TLR3: variants seen among roughly 807,000 people sequenced by gnomAD.
TLR3 encodes the protein toll like receptor 3.
In TLR3, 43 loss-of-function variants were observed where a neutral mutation model predicts 66.4. The observed-to-expected ratio is 0.65, with a 90% CI of 0.51 to 0.83. The LOEUF (loss-of-function observed/expected upper bound fraction) is 0.83, where lower values mean the gene tolerates loss of function less well. Among genes scored for constraint, TLR3 ranks in the 40% least tolerant of loss-of-function variants. The probability of loss-of-function intolerance (pLI) is 0.00; values close to 1 mark genes in which losing one functional copy is unlikely to be tolerated. For synonymous variants in TLR3, 397 were observed against 397.2 expected, an observed-to-expected ratio of 1.00 and a Z score of 0.01; for missense variants, 982 against 1,044.6, an observed-to-expected ratio of 0.94 and a Z score of 0.83.
Position 186,082,913 on chromosome 4 carries a change from A to T in TLR3, c.1227A>T (p.Leu409Phe). 2 of 1,614,170 alleles carry T rather than the reference A, an allele frequency of 1.2e-6. No individual in the cohort carries two copies. The highest frequency in any genetic ancestry group is 8.5e-7 in the Non-Finnish European group (1 of 1,180,034). Residue 409 changes from leucine to phenylalanine, a missense_variant, in exon 4 of 5, where the codon TTA becomes TTT. Around this residue, in one of 3 missense-constraint regions of TLR3, gnomAD observed 666 missense variants for 709.0 expected, o/e 0.94. Coordinates refer to ENST00000296795, the MANE Select transcript of TLR3 (RefSeq NM_003265.3). ...ETFVSLAHSP[L>F]HILNLTKNKI... ...TTGTATCACTTGCTCATTCTCCCTT[A>T]CACATACTCAACCTAACCAAGAATA...
intron 1 of TLR3, among the ~76,000 whole-genome samples, chr4:186,072,560 C>T (rs1282292842): frequency 1.3e-5 from 2 of 152,228 alleles, no homozygotes; most frequent in African/African-American, 4.8e-5. Flanking sequence ...ATCTGCCCAC[C>T]TTGGCCTCCC....
At position 186,078,995 on chromosome 4, in the gene TLR3, A is replaced by C; in HGVS notation, c.597A>C (p.Leu199Phe). Residue 199 changes from leucine to phenylalanine, a missense_variant, in exon 3 of 5, where the codon TTA (leucine) becomes TTC (phenylalanine). This residue lies in a region of TLR3 where 313 missense variants were observed against 319.0 expected (regional missense o/e 0.98). Transcript: ENST00000296795. ...TGGATATCTTTGCCAATTCATCTTT[A>C]AAAAAATTAGAGTTGTCATCGAATC... ...EELDIFANSSLKKLELSSNQI... is the reference protein window; with the variant it reads ...EELDIFANSSFKKLELSSNQI... The C allele has an allele frequency of 6.2e-7, 1 of 1,613,712 alleles. No individual in the cohort carries two copies. Among genetic ancestry groups the C allele is most frequent in the Non-Finnish European group, 8.5e-7 (1 of 1,179,836 alleles).
chr4:186,070,562 A>C (rs942107703), intron 1 of TLR3, among the ~76,000 whole-genome samples: 1 of 151,646 alleles, frequency 6.6e-6, no homozygotes, highest in Admixed American at 6.6e-5. Flanking sequence ...TTTAAAAAAA[A>C]ATTTTGGTGG....
intron 3 of TLR3, among the ~76,000 whole-genome samples, chr4:186,079,712 G>A (rs575509943): frequency 1.3e-5 from 2 of 152,314 alleles, no homozygotes; most frequent in South Asian, 2.1e-4. Flanking sequence ...ACAACTATCT[G>A]GACCGGTGGC....
intron 1 of TLR3, among the ~76,000 whole-genome samples, chr4:186,074,591 G>A (rs2099302126): frequency 6.6e-6 from 1 of 151,958 alleles, no homozygotes; most frequent in African/African-American, 2.4e-5. Context: ...TGCACACTTA[G>A]GTTATACTAA....
At chr4:186,080,558 A>G (rs992120063) in intron 3 of TLR3, among the ~76,000 whole-genome samples, 1 of 150,086 alleles carries the variant, frequency 6.7e-6, no homozygotes, top group Non-Finnish European at 1.5e-5. Flanking sequence ...TTTTATGTAT[A>G]TAGTATTTTT....
Position 186,083,138 on chromosome 4 carries a change from A to G in TLR3, c.1452A>G (p.Arg484=), listed in dbSNP as rs1431532007. The G allele has an allele frequency of 6.2e-7, 1 of 1,614,158 alleles. No individual in the cohort carries two copies. Among genetic ancestry groups the G allele is most frequent in the African/African-American group, 1.3e-5 (1 of 75,030 alleles). Reference sequence around the variant, plus strand: ...TTGCCTTGGTCCCAAGCCTTCAACGACTGATGCTCCGAAGGGTGGCCCTTA... The same window carrying G: ...TTGCCTTGGTCCCAAGCCTTCAACGGCTGATGCTCCGAAGGGTGGCCCTTA... The part of the protein sequence containing the change: ...NSFALVPSLQ[R]LMLRRVALKN... The change falls in exon 4 of 5, where the codon CGA becomes CGG. Residue 484 remains arginine (R), a synonymous_variant. Coordinates refer to ENST00000296795, the MANE Select transcript of TLR3 (RefSeq NM_003265.3). The surrounding 1 kb of genome is among the most constrained non-coding windows in gnomAD (Gnocchi z 4.0).
intron 3 of TLR3, among the ~76,000 whole-genome samples, 164 bp downstream of exon 3, chr4:186,079,195 G>A (rs2099302984): frequency 6.6e-6 from 1 of 152,270 alleles, no homozygotes. Context: ...TGAGAGCTCA[G>A]GCAGCCCCAG....
chr4:186,084,789 G>C lies in TLR3; in HGVS notation c.2631G>C (p.Leu877Phe). The stretch of plus-strand genomic sequence containing the variant: ...GAATGTTTAAATCTCACTGCATCTT[G>C]AACTGGCCAGTTCAGAAAGAACGGA... ...RRGMFKSHCI[L>F]NWPVQKERIG... The change falls in exon 5 of 5, where the codon TTG becomes TTC. Residue 877 changes from leucine (L) to phenylalanine (F), a missense_variant. Leu to Phe is a conservative substitution (Grantham distance 22). Transcript: ENST00000296795. 1 of 1,614,088 alleles carries C rather than the reference G, an allele frequency of 6.2e-7. No individual in the cohort carries two copies. The highest frequency in any genetic ancestry group is 8.5e-7 in the Non-Finnish European group (1 of 1,180,002).
In TLR3 at chr4:186,084,703, T is replaced by C. The variant is rs1167101253; in HGVS notation, c.2545T>C (p.Leu849=). 6.2e-7 allele frequency: 1 copy of C among 1,614,044 alleles called. No individual in the cohort carries two copies. The highest frequency in any genetic ancestry group is 1.7e-5 in the Admixed American group (1 of 60,032). The change falls in exon 5 of 5, where the codon TTG becomes CTG. Residue 849 remains leucine (L), a synonymous_variant. Transcript: ENST00000296795. ...AIEQNLDSII[L]VFLEEIPDYK... is the part of the protein sequence containing the mutation. ...TGAACAAAATCTGGATTCCATTATATTGGTTTTCCTTGAGGAGATTCCAGA... is the reference window on the plus strand; with the variant it reads ...TGAACAAAATCTGGATTCCATTATACTGGTTTTCCTTGAGGAGATTCCAGA...
intron 2 of TLR3, among the ~76,000 whole-genome samples, chr4:186,078,436 T>C (rs961997078): frequency 3.3e-5 from 5 of 152,202 alleles, no homozygotes; most frequent in African/African-American, 9.6e-5. Context: ...TTCTGATACT[T>C]ATTTTCAAGG....
intron 1 of TLR3, among the ~76,000 whole-genome samples, chr4:186,071,239 C>A (rs981728567): frequency 3.9e-5 from 6 of 152,302 alleles, no homozygotes; most frequent in South Asian, 2.1e-4. Context: ...GTTTTGCCCA[C>A]TGATGAAATG....
rs1221000109 is a variant in TLR3, at chr4:186,076,776, A to C, written c.157A>C (p.Ile53Leu). ...GGTACCCGATGATCTACCCACAAAC[A>C]TAACAGTGTTGAACCTTACCCATAA... ...TQVPDDLPTN[I>L]TVLNLTHNQL... is the part of the protein sequence containing the mutation. The change falls in exon 2 of 5, where the codon ATA becomes CTA. Residue 53 changes from isoleucine to leucine, a missense_variant. Physicochemically the swap from Ile to Leu is conservative, Grantham distance 5 (BLOSUM62 2). This residue lies in a region of TLR3 where 313 missense variants were observed against 319.0 expected (regional missense o/e 0.98). Coordinates refer to ENST00000296795, the MANE Select transcript of TLR3 (RefSeq NM_003265.3). 1.2e-6 allele frequency: 2 copies of C among 1,614,184 alleles called. No homozygotes were observed. The highest frequency in any genetic ancestry group is 1.1e-5 in the South Asian group (1 of 91,080).
intron 1 of TLR3, among the ~76,000 whole-genome samples, 198 bp from the exon 2 acceptor site, chr4:186,076,415 T>A (rs906374674): frequency 1.4e-4 from 22 of 152,166 alleles, no homozygotes; most frequent in Non-Finnish European, 7.4e-5. Context: ...GTTTTATTTT[T>A]TACCTTTCTG....
At position 186,084,010 on chromosome 4, in the gene TLR3, C is replaced by A. The variant is rs759740878; in HGVS notation, c.2324C>A (p.Ser775Tyr). 2.9e-5 allele frequency: 46 copies of A among 1,613,964 alleles called. No individual in the cohort carries two copies. Among genetic ancestry groups the A allele is most frequent in the Non-Finnish European group, 3.9e-5 (46 of 1,180,034 alleles). The change falls in exon 4 of 5, where the codon TCT (serine) becomes TAT (tyrosine). Residue 775 changes from serine to tyrosine, a missense_variant. By Grantham distance (144) the Ser-to-Tyr change is moderately radical. Coordinates refer to ENST00000296795, the MANE Select transcript of TLR3 (RefSeq NM_003265.3). ...KDKDWVWEHFSSMEKEDQSLK... is the reference protein window; with the variant it reads ...KDKDWVWEHFYSMEKEDQSLK... ...AAGGATTGGGTCTGGGAACATTTCT[C>A]TTCAATGGAAAAGGAAGACCAATCT... is the stretch of plus-strand genomic sequence containing the variant.
At chr4:186,071,939 A>G (rs1461733883) in intron 1 of TLR3, among the ~76,000 whole-genome samples, 1 of 152,198 alleles carries the variant, frequency 6.6e-6, no homozygotes, top group African/African-American at 2.4e-5. Context: ...ATTTTTTAAA[A>G]TATCTGAAAT....
At chr4:186,077,791 C>T (rs1579727661) in intron 2 of TLR3, among the ~76,000 whole-genome samples, 1 of 151,258 alleles carries the variant, frequency 6.6e-6, no homozygotes, top group Admixed American at 6.6e-5. Flanking sequence ...CACAATAAAT[C>T]GTAGTTAACC....
chr4:186,078,924 C>T lies in TLR3; in HGVS notation c.526C>T (p.Leu176Phe). Residue 176 changes from leucine (L) to phenylalanine (F), a missense_variant, in exon 3 of 5, where the codon CTT (leucine) becomes TTT (phenylalanine). Physicochemically the swap from Leu to Phe is conservative, Grantham distance 22 (BLOSUM62 0). Coordinates refer to ENST00000296795, the MANE Select transcript of TLR3 (RefSeq NM_003265.3). ...TQVQLENLQE[L>F]LLSNNKIQAL... is the part of the protein sequence containing the mutation. ...GGTTCAGCTGGAAAATCTCCAAGAG[C>T]TTCTATTATCAAACAATAAAATTCA... 6.2e-7 allele frequency: 1 copy of T among 1,613,966 alleles called. No individual in the cohort carries two copies. Among genetic ancestry groups the T allele is most frequent in the Non-Finnish European group, 8.5e-7 (1 of 1,179,954 alleles).
In TLR3 at chr4:186,078,878, A is replaced by G. The variant is rs1328082021; in HGVS notation, c.480A>G (p.Ser160=). 6.2e-7 allele frequency: 1 copy of G among 1,613,900 alleles called. No individual in the cohort carries two copies. The highest frequency in any genetic ancestry group is 8.5e-7 in the Non-Finnish European group (1 of 1,179,976). Residue 160 remains serine, a synonymous_variant, in exon 3 of 5, where the codon TCA becomes TCG. Transcript: ENST00000296795. The part of the protein sequence containing the change: ...ITLDLSHNGL[S]STKLGTQVQL... ...TAGATCTGTCTCATAATGGCTTGTC[A>G]TCTACAAAATTAGGAACTCAGGTTC...
Sources: allele counts gnomAD v4.1 joint callset (sites outside exome capture counted in the v4.1 genomes callset), GRCh38; gene constraint gnomAD v4.1.1; regional missense constraint gnomAD v4.1.1; non-coding constraint Gnocchi (gnomAD v3.1); transcripts MANE v1.5; gene names NCBI Gene and HGNC (gene_info 2026-07-23, HGNC 2026-07-21).